Variants in BEAN1 observed in about 807,000 individuals in gnomAD.
BEAN1 encodes the protein protein BEAN1.
BEAN1 carries 17 observed loss-of-function variants against 17.7 expected under a neutral mutation model. That is an observed-to-expected ratio of 0.96 (90% CI 0.66 to 1.44). The LOEUF (loss-of-function observed/expected upper bound fraction) is 1.44. BEAN1 is among the 40% of genes most tolerant of loss of function. The probability of loss-of-function intolerance (pLI) is 0.00; values close to 1 mark genes in which losing one functional copy is unlikely to be tolerated. For synonymous variants in BEAN1, 142 were observed against 151.8 expected (o/e 0.94, Z 0.47); for missense variants, 359 against 374.1 (o/e 0.96, Z 0.33).
intron 4 of BEAN1, among the ~76,000 whole-genome samples, chr16:66,490,612 C>T (rs918120456): frequency 6.6e-5 from 10 of 152,078 alleles, no homozygotes; most frequent in Non-Finnish European, 1.3e-4. Context: ...TGAGGGTCGC[C>T]ACCTTCCTGG....
In BEAN1 at chr16:66,477,835, A is replaced by G. The variant is rs1384425078; in HGVS notation, c.440+125A>G. 19 of 1,161,302 alleles carry G rather than the reference A, an allele frequency of 1.6e-5. No individual in the cohort carries two copies. In the South Asian group the frequency reaches 3.5e-4, roughly 21 times the overall value. 71.9% of individuals were successfully genotyped at this position (1,161,302 alleles called of 1,614,324 possible). A position where few individuals can be genotyped will look rare whatever the true frequency, so the allele number is the denominator to read the frequency against. ...GTATAAATGCAGAAAACATCTGCTC[A>G]GTGGGCATGGCCACCTCCTCCCCAC... On this transcript the variant is annotated intron_variant, in intron 4 of 4. Coordinates refer to ENST00000536005, the MANE Select transcript of BEAN1 (RefSeq NM_001178020.3).
At chr16:66,484,571 A>G (rs1240071652), downstream of BEAN1, 3 of 454,088 alleles carry the variant, frequency 6.6e-6, no homozygotes, top group East Asian at 1.4e-4. This position sits in a 1 kb window ranked among gnomAD's most constrained non-coding sequence, Gnocchi z 4.2. Context: ...TGGAAGGTGA[A>G]GCTGCATCAC....
At chr16:66,477,483 C>T (rs1260698662) in intron 3 of BEAN1, 77 bp from the exon 4 acceptor site, 3 of 1,368,686 alleles carry the variant, frequency 2.2e-6, no homozygotes, top group Non-Finnish European at 2.9e-6. Flanking sequence ...TCCATGGCCC[C>T]AGGTAGACCT....
intron 2 of BEAN1, among the ~76,000 whole-genome samples, chr16:66,461,713 A>G (rs1191493542): frequency 6.6e-6 from 1 of 152,000 alleles, no homozygotes; most frequent in Non-Finnish European, 1.5e-5. Context: ...GTGTGTCCCA[A>G]CCCACATCTG....
intron 3 of BEAN1, 27 bp from the exon 4 acceptor site, chr16:66,477,532 GC>G: frequency 6.6e-7 from 1 of 1,508,106 alleles, no homozygotes; most frequent in South Asian, 1.3e-5. Context: ...CTGGTCTGAG[GC>G]CCAGGCCGGT....
In BEAN1 at chr16:66,480,940, C is replaced by G; in HGVS notation, c.*15C>G. Reference sequence around the variant, plus strand: ...GGATTGTGTGAGGGACCCAGCCAGCCGGGTCCTGCTGGTCCCTACAGGCTG... The same window carrying G: ...GGATTGTGTGAGGGACCCAGCCAGCGGGGTCCTGCTGGTCCCTACAGGCTG... On this transcript the variant is annotated 3_prime_UTR_variant, in exon 5 of 5. Coordinates refer to ENST00000536005, the MANE Select transcript of BEAN1 (RefSeq NM_001178020.3). 1 of 1,429,422 alleles carries G rather than the reference C, an allele frequency of 7.0e-7. No homozygotes were observed. The highest frequency in any genetic ancestry group is 9.2e-7 in the Non-Finnish European group (1 of 1,083,730). 88.5% of individuals were successfully genotyped at this position (1,429,422 alleles called of 1,614,324 possible). A position where few individuals can be genotyped will look rare whatever the true frequency, so the allele number is the denominator to read the frequency against.
At chr16:66,489,990 G>A (rs945106379) in intron 4 of BEAN1, among the ~76,000 whole-genome samples, 2 of 152,004 alleles carry the variant, frequency 1.3e-5, no homozygotes, top group African/African-American at 4.8e-5. Context: ...CCAGGTCTGA[G>A]GCAGCTCCAA....
At position 66,437,617 on chromosome 16, in the gene BEAN1, C is replaced by T. The variant is rs1030179985; in HGVS notation, c.-60C>T. On this transcript the variant is annotated 5_prime_UTR_variant, in exon 2 of 5. Coordinates refer to ENST00000536005, the MANE Select transcript of BEAN1 (RefSeq NM_001178020.3). ...CAGGTGAGTGGAGGGGCCTTCCCTG[C>T]GAGAAGTCAGAGCTGTGCCCGTGGG... 9.9e-6 allele frequency: 15 copies of T among 1,513,294 alleles called. No individual in the cohort carries two copies. The highest frequency in any genetic ancestry group is 8.3e-5 in the African/African-American group (6 of 72,578). 93.7% of individuals were successfully genotyped at this position (1,513,294 alleles called of 1,614,324 possible). A position where few individuals can be genotyped will look rare whatever the true frequency, so the allele number is the denominator to read the frequency against.
At chr16:66,458,201 A>G (rs1236013337) in intron 2 of BEAN1, among the ~76,000 whole-genome samples, 1 of 152,072 alleles carries the variant, frequency 6.6e-6, no homozygotes, top group Non-Finnish European at 1.5e-5. Context: ...TCCCTTTGTC[A>G]CTGCAGCTCA....
At chr16:66,433,547 C>T (rs372044182) in intron 1 of BEAN1, among the ~76,000 whole-genome samples, 4 of 152,098 alleles carry the variant, frequency 2.6e-5, no homozygotes, top group African/African-American at 7.2e-5. Context: ...CCTCACCTGG[C>T]GCCCCCTCCA....
At chr16:66,485,346 CT>C (rs1964073894), downstream of BEAN1, 1 of 354,904 alleles carries the variant, frequency 2.8e-6, no homozygotes, top group African/African-American at 2.1e-5. Context: ...CACGTACACA[CT>C]TGGTGTTGCA....
At chr16:66,478,050 C>A (rs1213796632) in intron 4 of BEAN1, 2 of 203,772 alleles carry the variant, frequency 9.8e-6, no homozygotes, top group Admixed American at 1.2e-4. Flanking sequence ...CCGGGTGTCT[C>A]CCTCAGGGTG....
rs1310962045 is a variant in BEAN1, at chr16:66,477,631, C to T, written c.361C>T (p.Pro121Ser). Residue 121 changes from proline to serine, a missense_variant, in exon 4 of 5, where the codon CCC (proline) becomes TCC (serine). Pro to Ser is a moderately conservative substitution (Grantham distance 74). Transcript: ENST00000536005. Reference protein sequence around the residue: ...RYACSSSEDWPPPLDISSDGD... With the variant: ...RYACSSSEDWSPPLDISSDGD... Reference sequence around the variant, plus strand: ...TGCCTGCAGCTCCTCAGAGGACTGGCCCCCACCCTTGGACATCAGCTCTGA... The same window carrying T: ...TGCCTGCAGCTCCTCAGAGGACTGGTCCCCACCCTTGGACATCAGCTCTGA... The T allele has an allele frequency of 5.2e-6, 8 of 1,551,158 alleles. No individual in the cohort carries two copies. Among genetic ancestry groups the T allele is most frequent in the Middle Eastern group, 1.7e-4 (1 of 5,992 alleles).
intron 2 of BEAN1, among the ~76,000 whole-genome samples, chr16:66,465,630 C>A (rs144222790): frequency 5.9e-4 from 90 of 152,336 alleles, no homozygotes; most frequent in African/African-American, 2.0e-3. Context: ...TCATCCCAAA[C>A]TGAAATCCTA....
chr16:66,429,413 G>T (rs145378704), intron 1 of BEAN1, among the ~76,000 whole-genome samples: 1 of 152,288 alleles, frequency 6.6e-6, no homozygotes, highest in African/African-American at 2.4e-5. Context: ...CAGGGCATAG[G>T]CCCAGGGGAT....
intron 2 of BEAN1, among the ~76,000 whole-genome samples, chr16:66,438,176 G>A (rs993636309): frequency 1.3e-5 from 2 of 152,084 alleles, no homozygotes; most frequent in Admixed American, 6.6e-5. Context: ...CTCAGGTCAG[G>A]AGTTCGAGAC....
At chr16:66,485,152 A>G (rs1964070786), downstream of BEAN1, 1 of 452,654 alleles carries the variant, frequency 2.2e-6, no homozygotes, top group South Asian at 1.6e-5. Context: ...AGGAACATCC[A>G]TTGTCACACT....
intron 2 of BEAN1, among the ~76,000 whole-genome samples, chr16:66,461,569 GACACACACACACACACAC>G (rs34246549): frequency 7.0e-4 from 98 of 140,938 alleles, no homozygotes; most frequent in African/African-American, 9.6e-4. Flanking sequence ...GGCAGGCGCA[GACACACACACACACACAC>G]ACACACACAC....
intron 3 of BEAN1, among the ~76,000 whole-genome samples, chr16:66,474,579 A>AAGG (rs1963627567): frequency 2.4e-5 from 1 of 41,524 alleles, no homozygotes. Flanking sequence ...AGAGGGAGGG[A>AAGG]GAGAGGGAGG....
Sources: gnomAD v4.1 joint callset for allele counts (sites outside exome capture counted in the v4.1 genomes callset) on GRCh38, gnomAD v4.1.1 for gene constraint, Gnocchi (gnomAD v3.1) non-coding constraint, MANE v1.5 for transcripts, NCBI Gene and HGNC (gene_info 2026-07-23, HGNC 2026-07-21) for gene names.